MGMT: variants seen among roughly 807,000 people sequenced by gnomAD.
MGMT encodes O-6-methylguanine-DNA methyltransferase, also known as methylated-DNA--protein-cysteine methyltransferase.
MGMT carries 14 observed loss-of-function variants against 15.9 expected under a neutral mutation model. The observed-to-expected ratio is 0.88, with a 90% CI of 0.58 to 1.37. The LOEUF is 1.37. Ranked by LOEUF, MGMT falls within the 40% of genes most tolerant of loss-of-function variation. The pLI, the probability that MGMT is intolerant of heterozygous loss-of-function variation, is 0.00. For synonymous variants in MGMT, 130 were observed against 118.2 expected (o/e 1.10, Z -0.65); for missense variants, 282 against 268.1 (o/e 1.05, Z -0.36).
intron 1 of MGMT, among the ~76,000 whole-genome samples, chr10:129,502,497 G>A (rs749565572): frequency 1.3e-5 from 2 of 151,962 alleles, no homozygotes; most frequent in Non-Finnish European, 2.9e-5. Context: ...ATTAAAAAAA[G>A]GAAATAAATG....
intron 2 of MGMT, among the ~76,000 whole-genome samples, chr10:129,653,898 TGA>T (rs529089543): frequency 4.8e-4 from 73 of 152,088 alleles, no homozygotes; most frequent in African/African-American, 1.8e-3. Flanking sequence ...GTGCTGGGGA[TGA>T]GAGGAGAGCG....
chr10:129,714,175 C>T (rs926124040), intron 3 of MGMT, among the ~76,000 whole-genome samples: 7 of 152,254 alleles, frequency 4.6e-5, no homozygotes, highest in South Asian at 2.1e-4. Context: ...GGGCTGGCCC[C>T]GTGGACTGCC....
intron 2 of MGMT, among the ~76,000 whole-genome samples, chr10:129,619,961 T>A (rs1847072610): frequency 6.6e-6 from 1 of 152,194 alleles, no homozygotes; most frequent in Non-Finnish European, 1.5e-5. Flanking sequence ...TTCTACTTTC[T>A]AAGATAGAAG....
intron 3 of MGMT, among the ~76,000 whole-genome samples, chr10:129,751,573 CTTCTTT>C (rs1848751034): frequency 6.6e-6 from 1 of 151,572 alleles, no homozygotes; most frequent in South Asian, 2.1e-4. Context: ...TTATTTTTCT[CTTCTTT>C]TTCTGGTTTC....
intron 2 of MGMT, among the ~76,000 whole-genome samples, chr10:129,586,219 G>A (rs1417680824): frequency 6.6e-6 from 1 of 152,078 alleles, no homozygotes; most frequent in Non-Finnish European, 1.5e-5. Flanking sequence ...TGGATAAAGG[G>A]GGCCACTGTA....
chr10:129,468,357 T>G (rs894385017), intron 1 of MGMT, among the ~76,000 whole-genome samples: 1 of 152,144 alleles, frequency 6.6e-6, no homozygotes, highest in Non-Finnish European at 1.5e-5. Flanking sequence ...GGCTGATTGT[T>G]AATATCACGT....
At chr10:129,499,429 A>G (rs914369288) in intron 1 of MGMT, among the ~76,000 whole-genome samples, 32 of 152,248 alleles carry the variant, frequency 2.1e-4, no homozygotes, top group African/African-American at 7.5e-4. Flanking sequence ...TCCATGTTGG[A>G]TGTGGAAAAC....
intron 2 of MGMT, among the ~76,000 whole-genome samples, chr10:129,563,615 A>C (rs1846305434): frequency 6.6e-6 from 1 of 152,242 alleles, no homozygotes; most frequent in South Asian, 2.1e-4. Flanking sequence ...CTTTCTGCCC[A>C]GGCCTTTACC....
chr10:129,549,792 G>A (rs557297192), intron 2 of MGMT, among the ~76,000 whole-genome samples: 8 of 152,264 alleles, frequency 5.3e-5, no homozygotes, highest in Admixed American at 3.9e-4. Context: ...TTTAAAGGGC[G>A]TCTGCTGCAC....
intron 2 of MGMT, among the ~76,000 whole-genome samples, chr10:129,540,377 T>C (rs566661645): frequency 1.3e-5 from 2 of 152,322 alleles, no homozygotes; most frequent in Admixed American, 6.5e-5. Context: ...ATTTCTTCTA[T>C]TGAGCTGTCC....
chr10:129,585,797 A>G (rs1213689746), intron 2 of MGMT, among the ~76,000 whole-genome samples: 3 of 152,114 alleles, frequency 2.0e-5, no homozygotes, highest in African/African-American at 7.2e-5. Flanking sequence ...TTTCCTACAC[A>G]TACATCCCCA....
intron 2 of MGMT, among the ~76,000 whole-genome samples, chr10:129,617,553 A>G (rs1250543989): frequency 2.0e-5 from 3 of 152,176 alleles, no homozygotes; most frequent in African/African-American, 4.8e-5. Flanking sequence ...CCAAGAGCGT[A>G]TAAGCATTCC....
At chr10:129,747,634 A>G (rs1042579748) in intron 3 of MGMT, among the ~76,000 whole-genome samples, 1 of 152,224 alleles carries the variant, frequency 6.6e-6, no homozygotes, top group Admixed American at 6.5e-5. Context: ...TTACATTAGT[A>G]CGGTACATGT....
At chr10:129,571,289 T>C (rs1846414302) in intron 2 of MGMT, among the ~76,000 whole-genome samples, 1 of 152,220 alleles carries the variant, frequency 6.6e-6, no homozygotes, top group Non-Finnish European at 1.5e-5. Context: ...ATACAGGCGA[T>C]ATTTCCTGTA....
rs1354179576 is a variant in MGMT, at chr10:129,556,812, C to T, written c.125+20435C>T. On this transcript the variant is annotated intron_variant, in intron 2 of 4. Coordinates refer to ENST00000651593, the MANE Select transcript of MGMT (RefSeq NM_002412.5). This position sits in a 1 kb window ranked among gnomAD's most constrained non-coding sequence, Gnocchi z 4.3. ...ACTGGCTGTGGTGAGCAATGTTAGT[C>T]CCAAATCACTTTTTCACAACTTGTT... is the stretch of plus-strand genomic sequence containing the variant. Among the ~76,000 whole-genome samples, 1 of 152,170 alleles carries T rather than the reference C, an allele frequency of 6.6e-6. No homozygotes were observed. Among genetic ancestry groups the T allele is most frequent in the African/African-American group, 2.4e-5 (1 of 41,428 alleles).
At chr10:129,730,873 T>G (rs756560803) in intron 3 of MGMT, among the ~76,000 whole-genome samples, 5 of 152,374 alleles carry the variant, frequency 3.3e-5, no homozygotes, top group Non-Finnish European at 4.4e-5. Context: ...AGTCACAGTT[T>G]AATCATTTCT....
intron 2 of MGMT, among the ~76,000 whole-genome samples, chr10:129,630,603 G>T (rs1245369353): frequency 1.3e-5 from 2 of 152,190 alleles, no homozygotes; most frequent in African/African-American, 4.8e-5. Flanking sequence ...GTTAGTGTGT[G>T]TGAGACTGAA....
intron 2 of MGMT, among the ~76,000 whole-genome samples, chr10:129,705,204 A>G (rs754510427): frequency 3.3e-5 from 5 of 152,212 alleles, no homozygotes; most frequent in Non-Finnish European, 7.3e-5. Flanking sequence ...AAACGCCACC[A>G]TAGGCATTTA....
intron 1 of MGMT, among the ~76,000 whole-genome samples, chr10:129,524,091 C>T (rs900495732): frequency 6.6e-5 from 10 of 152,236 alleles, no homozygotes; most frequent in African/African-American, 1.7e-4. Context: ...CTGGGAGTGT[C>T]GTGAAGACAG....
Sources: gnomAD v4.1 joint callset for allele counts (sites outside exome capture counted in the v4.1 genomes callset) on GRCh38, gnomAD v4.1.1 for gene constraint, Gnocchi (gnomAD v3.1) non-coding constraint, MANE v1.5 for transcripts, NCBI Gene and HGNC (gene_info 2026-07-23, HGNC 2026-07-21) for gene names.